Variants in MAP3K3 observed in about 807,000 individuals in gnomAD.
MAP3K3 encodes the protein mitogen-activated protein kinase kinase kinase 3.
MAP3K3 carries 12 observed loss-of-function variants against 80.9 expected under a neutral mutation model. That is an observed-to-expected ratio of 0.15 (90% CI 0.10 to 0.24). MAP3K3 has a LOEUF of 0.24. MAP3K3 is among the 10% of genes least tolerant of loss of function. The probability of loss-of-function intolerance (pLI) is 1.00; values close to 1 mark genes in which losing one functional copy is unlikely to be tolerated. For missense variants in MAP3K3, 596 were observed against 834.7 expected (o/e 0.71, Z 3.52); for synonymous variants, 272 against 307.1 (o/e 0.89, Z 1.19).
At chr17:63,646,735 G>C (rs746025709) in intron 3 of MAP3K3, among the ~76,000 whole-genome samples, 5 of 152,194 alleles carry the variant, frequency 3.3e-5, no homozygotes, top group Non-Finnish European at 5.9e-5. Flanking sequence ...AGCCAAGGTA[G>C]AAGTTCTCAG....
At chr17:63,659,142 G>T (rs2034833197) in intron 5 of MAP3K3, among the ~76,000 whole-genome samples, 1 of 152,148 alleles carries the variant, frequency 6.6e-6, no homozygotes, top group African/African-American at 2.4e-5. Context: ...AAAGTGCTGG[G>T]ATTACAAGTG....
chr17:63,671,060 T>C (rs2035097246), intron 6 of MAP3K3, among the ~76,000 whole-genome samples: 1 of 152,144 alleles, frequency 6.6e-6, no homozygotes, highest in Non-Finnish European at 1.5e-5. Flanking sequence ...GGGAACTGCA[T>C]TAGGCTAATG....
chr17:63,634,588 G>GT (rs748382557), intron 2 of MAP3K3: 1 of 808,050 alleles, frequency 1.2e-6, no homozygotes. Flanking sequence ...AGGATTGACT[G>GT]TTAGGAAGTA....
At chr17:63,632,504 G>A (rs1598061087) in intron 1 of MAP3K3, among the ~76,000 whole-genome samples, 177 bp from the exon 2 acceptor site, 1 of 152,146 alleles carries the variant, frequency 6.6e-6, no homozygotes, top group African/African-American at 2.4e-5. Context: ...AGAAAAAAAA[G>A]AATCCATTAA....
At chr17:63,681,745 A>G in intron 6 of MAP3K3, 21 bp from the exon 7 acceptor site, 1 of 1,406,456 alleles carries the variant, frequency 7.1e-7, no homozygotes, top group Admixed American at 2.6e-5. Flanking sequence ...TGTTGTTGAA[A>G]GCCTCCTTTA....
At position 63,692,012 on chromosome 17, in the gene MAP3K3, C is replaced by A; in HGVS notation, c.1474+150C>A. On this transcript the variant is annotated intron_variant, in intron 14 of 15. Transcript: ENST00000361733. This position sits in a 1 kb window ranked among gnomAD's most constrained non-coding sequence, Gnocchi z 4.5. Reference sequence around the variant, plus strand: ...TGAGGAACTGGTGAGATTGGTTGAGCAATATGAGAGAATATTGCCAAGTTC... The same window carrying A: ...TGAGGAACTGGTGAGATTGGTTGAGAAATATGAGAGAATATTGCCAAGTTC... 1 of 996,512 alleles carries A rather than the reference C, an allele frequency of 1.0e-6. No homozygotes were observed. Among genetic ancestry groups the A allele is most frequent in the Non-Finnish European group, 1.5e-6 (1 of 676,592 alleles). 61.7% of individuals were successfully genotyped at this position (996,512 alleles called of 1,614,324 possible). A position where few individuals can be genotyped will look rare whatever the true frequency, so the allele number is the denominator to read the frequency against.
chr17:63,688,919 A>C, intron 10 of MAP3K3, 38 bp downstream of exon 10: 9 of 1,485,528 alleles, frequency 6.1e-6, no homozygotes, highest in Non-Finnish European at 6.6e-6. Context: ...TGGCTGCCTC[A>C]AGAAAGGACA....
At chr17:63,688,374 C>A (rs2035504915) in intron 8 of MAP3K3, 153 bp from the exon 9 acceptor site, 1 of 660,814 alleles carries the variant, frequency 1.5e-6, no homozygotes, top group East Asian at 2.7e-5. Context: ...GTGGAGAAAG[C>A]AGGAGCTGGG....
Position 63,632,774 on chromosome 17 carries a change from A to C in MAP3K3, c.98A>C (p.Asn33Thr), listed in dbSNP as rs764760347. Residue 33 changes from asparagine (N) to threonine (T), a missense_variant, in exon 2 of 16, where the codon AAC becomes ACC. By Grantham distance (65) the Asn-to-Thr change is moderately conservative. Transcript: ENST00000361733. ...HRMPGYETMK[N>T]KDTGHSNRQS... Reference sequence around the variant, plus strand: ...ATGCCTGGATATGAGACCATGAAGAACAAAGACACAGGTCACTCAAATAGG... The same window carrying C: ...ATGCCTGGATATGAGACCATGAAGACCAAAGACACAGGTCACTCAAATAGG... The C allele has an allele frequency of 6.2e-7, 1 of 1,614,138 alleles. No individual in the cohort carries two copies. Among genetic ancestry groups the C allele is most frequent in the South Asian group, 1.1e-5 (1 of 91,088 alleles).
intron 6 of MAP3K3, among the ~76,000 whole-genome samples, chr17:63,676,377 T>TA (rs1202852284): frequency 6.6e-6 from 1 of 152,214 alleles, no homozygotes; most frequent in Non-Finnish European, 1.5e-5. Flanking sequence ...GGACCATGGA[T>TA]ATTTTATCCC....
At chr17:63,648,621 C>T (rs775880039) in intron 3 of MAP3K3, among the ~76,000 whole-genome samples, 1 of 151,820 alleles carries the variant, frequency 6.6e-6, no homozygotes, top group Non-Finnish European at 1.5e-5. Context: ...GTCAGGAGTT[C>T]GAGACCAATA....
intron 2 of MAP3K3, chr17:63,636,687 C>T: frequency 3.8e-6 from 1 of 262,326 alleles, no homozygotes; most frequent in East Asian, 8.9e-5. Context: ...AAGTGGAGCC[C>T]CCAGCCAAGA....
chr17:63,663,433 C>T (rs1458312387), intron 5 of MAP3K3, among the ~76,000 whole-genome samples: 2 of 150,518 alleles, frequency 1.3e-5, no homozygotes, highest in Non-Finnish European at 2.9e-5. Flanking sequence ...ACCTGGGAGG[C>T]GGAGGTTGCA....
chr17:63,674,044 C>T (rs1247153454), intron 6 of MAP3K3, among the ~76,000 whole-genome samples: 3 of 151,208 alleles, frequency 2.0e-5, no homozygotes, highest in Non-Finnish European at 2.9e-5. Flanking sequence ...CGTGCCACTG[C>T]GCTCCAGCTT....
At chr17:63,651,570 T>C (rs151050706) in intron 3 of MAP3K3, among the ~76,000 whole-genome samples, 4 of 152,360 alleles carry the variant, frequency 2.6e-5, no homozygotes, top group African/African-American at 9.6e-5. Flanking sequence ...CCCATGGACC[T>C]GTCACCCAGC....
At chr17:63,650,138 G>A (rs1482884726) in intron 3 of MAP3K3, among the ~76,000 whole-genome samples, 1 of 152,074 alleles carries the variant, frequency 6.6e-6, no homozygotes, top group Non-Finnish European at 1.5e-5. Context: ...AGTCACATTG[G>A]GCATCTTTTC....
chr17:63,662,375 A>ACT (rs1015575439), intron 5 of MAP3K3, among the ~76,000 whole-genome samples: 42 of 151,920 alleles, frequency 2.8e-4, no homozygotes, highest in African/African-American at 8.7e-4. Flanking sequence ...AGATTGCAAC[A>ACT]CTGCACTCCA....
Position 63,651,151 on chromosome 17 carries a change from A to G in MAP3K3, c.168-1406A>G, listed in dbSNP as rs80127299. Among the ~76,000 whole-genome samples the G allele has an allele frequency of 5.3e-4, 80 of 152,326 alleles. 1 individual carries two copies. The East Asian group carries it at 0.015, about 29-fold the overall frequency. ...TTTTATATATCAAAAATGGTCGGCC[A>G]TCAGTAGTCTCATATAGTTCAACCT... On this transcript the variant is annotated intron_variant, in intron 3 of 15. Transcript: ENST00000361733.
intron 3 of MAP3K3, among the ~76,000 whole-genome samples, chr17:63,651,081 A>T (rs1008650780): frequency 6.6e-6 from 1 of 151,802 alleles, no homozygotes; most frequent in Non-Finnish European, 1.5e-5. Flanking sequence ...ATTTTTAGTC[A>T]TTTCTGTTCT....
Sources: allele counts gnomAD v4.1 joint callset (sites outside exome capture counted in the v4.1 genomes callset), GRCh38; gene constraint gnomAD v4.1.1; non-coding constraint Gnocchi (gnomAD v3.1); transcripts MANE v1.5; gene names NCBI Gene and HGNC (gene_info 2026-07-23, HGNC 2026-07-21).